Variants in CAPN13 observed in about 807,000 individuals in gnomAD.
CAPN13 encodes the protein calpain 13, also known as calpain-13.
Under a neutral mutation model 98.4 loss-of-function variants are expected in CAPN13, and 90 were observed. That is an observed-to-expected ratio of 0.92 (90% CI 0.77 to 1.09). The LOEUF is 1.09. Ranked by LOEUF, CAPN13 falls within the 50% of genes least tolerant of loss-of-function variation. The probability of loss-of-function intolerance (pLI) is 0.00; values close to 1 mark genes in which losing one functional copy is unlikely to be tolerated. For missense variants in CAPN13, 887 were observed against 841.3 expected (o/e 1.05, Z -0.67); for synonymous variants, 330 against 305.5 (o/e 1.08, Z -0.84).
intron 1 of CAPN13, among the ~76,000 whole-genome samples, chr2:30,803,630 G>A (rs1486603191): frequency 3.3e-5 from 5 of 152,180 alleles, no homozygotes; most frequent in East Asian, 1.9e-4. Context: ...GAGGCAGCTC[G>A]TCACCCCAGC....
chr2:30,758,809 TTCCCTTCC>T (rs1553313144), intron 7 of CAPN13, among the ~76,000 whole-genome samples: 4 of 65,690 alleles, frequency 6.1e-5, no homozygotes, highest in African/African-American at 2.5e-4. Flanking sequence ...CCTCCCTCCC[TTCCCTTCC>T]TCCCTTCCTT....
chr2:30,745,392 C>A (rs947632553), intron 12 of CAPN13: 5 of 529,106 alleles, frequency 9.4e-6, no homozygotes, highest in African/African-American at 1.9e-5. Flanking sequence ...AAAGATCTTT[C>A]CAAGGTACCC....
intron 4 of CAPN13, among the ~76,000 whole-genome samples, chr2:30,772,197 T>A (rs530679733): frequency 6.6e-6 from 1 of 152,228 alleles, no homozygotes; most frequent in South Asian, 2.1e-4. Flanking sequence ...CTGCATTTCC[T>A]GGTTCATGCC....
chr2:30,756,099 T>C (rs1672430692), intron 8 of CAPN13, among the ~76,000 whole-genome samples: 1 of 150,938 alleles, frequency 6.6e-6, no homozygotes, highest in African/African-American at 2.4e-5. Flanking sequence ...ACAGAACAGG[T>C]TCTGCTAGAT....
At chr2:30,733,878 GC>G (rs942623528) in intron 19 of CAPN13, among the ~76,000 whole-genome samples, 1 of 152,188 alleles carries the variant, frequency 6.6e-6, no homozygotes, top group African/African-American at 2.4e-5. Context: ...AATGATTCCT[GC>G]CCTTCCCAGT....
chr2:30,764,071 G>A (rs1672983148), intron 6 of CAPN13, 61 bp downstream of exon 6: 12 of 1,486,386 alleles, frequency 8.1e-6, no homozygotes, highest in African/African-American at 1.4e-5. Flanking sequence ...TGGACCCCTG[G>A]CTGAGCATTC....
At chr2:30,732,784 A>G (rs572373664) in intron 19 of CAPN13, among the ~76,000 whole-genome samples, 1 of 152,244 alleles carries the variant, frequency 6.6e-6, no homozygotes, top group East Asian at 1.9e-4. Context: ...GATGCTGAAG[A>G]CCCTGCTCTG....
At chr2:30,801,446 A>C (rs1675265834) in intron 1 of CAPN13, among the ~76,000 whole-genome samples, 1 of 151,678 alleles carries the variant, frequency 6.6e-6, no homozygotes, top group South Asian at 2.1e-4. Context: ...AAACCCTAAC[A>C]ATACAAAAAC....
At position 30,738,161 on chromosome 2, in the gene CAPN13, C is replaced by A. The variant is rs552349985; in HGVS notation, c.1653+74G>T. 9.1e-6 allele frequency: 14 copies of A among 1,537,406 alleles called. No homozygotes were observed. The South Asian group carries it at 1.5e-4, about 16-fold the overall frequency. On this transcript the variant is annotated intron_variant, in intron 17 of 22. Transcript: ENST00000295055. ...AGTGGGAAAAGGGTTCCCTACTGTC[C>A]TAATTAGGTCTCTGGGGAAGCCCAC...
chr2:30,784,396 TA>T (rs1471513316), intron 2 of CAPN13, among the ~76,000 whole-genome samples: 1 of 152,172 alleles, frequency 6.6e-6, no homozygotes, highest in Non-Finnish European at 1.5e-5. Flanking sequence ...TTAATCACAG[TA>T]ACAAAAACTA....
intron 21 of CAPN13, 58 bp from the exon 22 acceptor site, chr2:30,730,844 G>T (rs1360562097): frequency 5.1e-6 from 4 of 779,054 alleles, no homozygotes; most frequent in Non-Finnish European, 7.2e-6. Flanking sequence ...TTAATACAGA[G>T]CAGGGCAAAT....
intron 4 of CAPN13, among the ~76,000 whole-genome samples, chr2:30,774,669 T>C (rs1193943439): frequency 2.0e-5 from 3 of 152,110 alleles, no homozygotes; most frequent in Non-Finnish European, 4.4e-5. Flanking sequence ...ATTAAAGAAA[T>C]CACATTTAAA....
chr2:30,726,893 G>A (rs755501518), intron 22 of CAPN13, among the ~76,000 whole-genome samples: 14 of 152,080 alleles, frequency 9.2e-5, no homozygotes, highest in Non-Finnish European at 1.9e-4. Context: ...AGCCAAAATA[G>A]TCTTGAAAAG....
chr2:30,801,556 G>T (rs1396658854), intron 1 of CAPN13, among the ~76,000 whole-genome samples: 2 of 134,566 alleles, frequency 1.5e-5, no homozygotes, highest in Non-Finnish European at 3.1e-5. Flanking sequence ...AGTGAGCCAA[G>T]ATCATGCCAT....
At chr2:30,768,704 T>A (rs143464459) in intron 5 of CAPN13, among the ~76,000 whole-genome samples, 297 of 152,170 alleles carry the variant, frequency 2.0e-3, no homozygotes, top group African/African-American at 6.8e-3. Flanking sequence ...CTTCCTTCCT[T>A]CCTTTTATCC....
At chr2:30,752,847 C>T (rs905126622) in intron 10 of CAPN13, among the ~76,000 whole-genome samples, 2 of 152,222 alleles carry the variant, frequency 1.3e-5, no homozygotes, top group African/African-American at 4.8e-5. Flanking sequence ...GGGAGAATCA[C>T]ATCAGAGATT....
intron 7 of CAPN13, 21 bp from the exon 8 acceptor site, chr2:30,758,158 G>A: frequency 6.4e-7 from 1 of 1,554,766 alleles, no homozygotes; most frequent in Non-Finnish European, 8.7e-7. Context: ...AACAGAAAAG[G>A]AAACTCAGTG....
At chr2:30,800,116 A>AAAGGAAAG (rs1444108248) in intron 1 of CAPN13, among the ~76,000 whole-genome samples, 1 of 85,596 alleles carries the variant, frequency 1.2e-5, no homozygotes, top group Non-Finnish European at 2.3e-5. Context: ...GAAAAGAAAG[A>AAAGGAAAG]AAAGAAAGAA....
rs2609910 is a variant in CAPN13, at chr2:30,730,349, G to A, written c.*30+381C>T. ...AATGGTACAGCTGGGGCTAGAGCCC[G>A]CTCTTCTCTCCCTAAGGCCTGACCA... On this transcript the variant is annotated intron_variant, in intron 22 of 22. Transcript: ENST00000295055. Among the ~76,000 whole-genome samples the A allele has an allele frequency of 3.1e-3, 470 of 152,286 alleles. 4 individuals carry two copies. Among genetic ancestry groups the A allele is most frequent in the African/African-American group, 0.011 (450 of 41,544 alleles).
Sources: gnomAD v4.1 joint callset for allele counts (sites outside exome capture counted in the v4.1 genomes callset) on GRCh38, gnomAD v4.1.1 for gene constraint, MANE v1.5 for transcripts, NCBI Gene and HGNC (gene_info 2026-07-23, HGNC 2026-07-21) for gene names.